The following GRIK4 variants were observed in gnomAD, a reference collection of about 807,000 sequenced individuals.
The protein encoded by GRIK4 is glutamate receptor ionotropic, kainate 4.
In GRIK4, 40 loss-of-function variants were observed where a neutral mutation model predicts 104.9. The ratio of observed to expected loss-of-function variants is 0.38; its 90% CI spans 0.30 to 0.50. GRIK4 has a LOEUF of 0.50. GRIK4 is among the 20% of genes least tolerant of loss of function. The probability of loss-of-function intolerance (pLI) is 0.93; values close to 1 mark genes in which losing one functional copy is unlikely to be tolerated. For synonymous variants in GRIK4, 485 were observed against 524.9 expected, an observed-to-expected ratio of 0.92 and a Z score of 1.04; for missense variants, 1,047 against 1,308.1, an observed-to-expected ratio of 0.80 and a Z score of 3.08.
intron 3 of GRIK4, among the ~76,000 whole-genome samples, chr11:120,696,733 G>A (rs1290998833): frequency 2.6e-5 from 4 of 152,140 alleles, no homozygotes; most frequent in East Asian, 1.9e-4. Context: ...GGGGTGGACC[G>A]GAGGGAGAGG....
chr11:120,875,992 C>A (rs574736961), intron 11 of GRIK4, among the ~76,000 whole-genome samples: 8 of 152,038 alleles, frequency 5.3e-5, no homozygotes, highest in Admixed American at 3.3e-4. Flanking sequence ...GGAAGCCAAG[C>A]ACTAAATACA....
chr11:120,518,282 G>A (rs558686554), intron 1 of GRIK4, among the ~76,000 whole-genome samples: 4 of 152,266 alleles, frequency 2.6e-5, no homozygotes, highest in South Asian at 2.1e-4. Context: ...CATGACTCTC[G>A]GCAGCTGTGC....
chr11:120,868,183 G>A (rs1026119133), intron 9 of GRIK4: 3 of 152,180 alleles, frequency 2.0e-5, no homozygotes, highest in Non-Finnish European at 4.4e-5. Flanking sequence ...AAGGAACTCA[G>A]CCACAGCTCC....
At position 120,987,701 on chromosome 11, in the gene GRIK4, G is replaced by GTGACTGCTA. The variant is rs1565479695; in HGVS notation, c.*1441_*1442insTGACTGCTA. The GTGACTGCTA allele has an allele frequency of 1.3e-5, 2 of 151,984 alleles. No homozygotes were observed. The highest frequency in any genetic ancestry group is 2.9e-5 in the Non-Finnish European group (2 of 68,002). 9.4% of individuals were successfully genotyped at this position (151,984 alleles called of 1,614,324 possible). ...GTTACTGATGCTGTCCAGGTTACCA[G>GTGACTGCTA]GTGACTGCTAGTGACTGCTCTCCAT... On this transcript the variant is annotated 3_prime_UTR_variant, in exon 21 of 21. Coordinates refer to ENST00000527524, the MANE Select transcript of GRIK4 (RefSeq NM_014619.5).
rs1943675937 is a variant in GRIK4 at position 120,939,761 on chromosome 11, C to T, written c.1477-586C>T. Among the ~76,000 whole-genome samples, 4 of 152,168 alleles carry T rather than the reference C, an allele frequency of 2.6e-5. No individual in the cohort carries two copies. The highest frequency in any genetic ancestry group is 7.2e-5 in the African/African-American group (3 of 41,438). On this transcript the variant is annotated intron_variant, in intron 13 of 20. Coordinates refer to ENST00000527524, the MANE Select transcript of GRIK4 (RefSeq NM_014619.5). This position sits in a 1 kb window ranked among gnomAD's most constrained non-coding sequence, Gnocchi z 5.6. ...CTTTGGGAGGCCAGGGCGGGCAGAT[C>T]ACGGGGTCAGGAGTTTGAGACCAGC...
chr11:120,528,883 A>G (rs1002074155), intron 1 of GRIK4, among the ~76,000 whole-genome samples: 5 of 152,138 alleles, frequency 3.3e-5, no homozygotes. Context: ...GGGAGTTGCA[A>G]TTCAAGATGA....
At chr11:120,739,874 C>T (rs1215770348) in intron 3 of GRIK4, among the ~76,000 whole-genome samples, 1 of 152,160 alleles carries the variant, frequency 6.6e-6, no homozygotes. Flanking sequence ...CCAGAGGTGA[C>T]TTTTGTGGCT....
At chr11:120,561,393 C>T (rs930111296) in intron 1 of GRIK4, among the ~76,000 whole-genome samples, 7 of 152,222 alleles carry the variant, frequency 4.6e-5, no homozygotes, top group African/African-American at 1.4e-4. Context: ...TTCATGCTTT[C>T]GCCTCTCTTC....
chr11:120,613,342 C>G (rs1366491172), intron 1 of GRIK4, among the ~76,000 whole-genome samples: 2 of 152,214 alleles, frequency 1.3e-5, no homozygotes, highest in Non-Finnish European at 1.5e-5. Context: ...CTTGTCAATT[C>G]TTGTCCTGTG....
In GRIK4 at chr11:120,925,943, C is replaced by CAGG. The variant is rs1251055184; in HGVS notation, c.1477-14402_1477-14401insGAG. On this transcript the variant is annotated intron_variant, in intron 13 of 20. Transcript: ENST00000527524. ...GAGCCAAGATCGCACCACTGTGCTC[C>CAGG]AGCCTGGGCATCAGAGCGAGACTCC... 2.0e-5 allele frequency among the ~76,000 whole-genome samples: 3 copies of CAGG among 147,494 alleles called. No homozygotes were observed. The Admixed American group carries it at 2.0e-4, about 10-fold the overall frequency.
rs541976185 is a variant in GRIK4, at chr11:120,619,013, C to T, written c.-158-34672C>T. Among the ~76,000 whole-genome samples, 3 of 152,260 alleles carry T rather than the reference C, an allele frequency of 2.0e-5. No homozygotes were observed. The South Asian group carries it at 6.2e-4, about 32-fold the overall frequency. On this transcript the variant is annotated intron_variant, in intron 1 of 20. Transcript: ENST00000527524. ...TCCTCCACACCCCAGAATGGTAGATCCACCAGCAGCTTGTATCTTGTGCCT... is the reference window on the plus strand; with the variant it reads ...TCCTCCACACCCCAGAATGGTAGATTCACCAGCAGCTTGTATCTTGTGCCT...
At chr11:120,649,895 GTC>G (rs1211895753) in intron 1 of GRIK4, among the ~76,000 whole-genome samples, 2 of 152,222 alleles carry the variant, frequency 1.3e-5, no homozygotes, top group African/African-American at 4.8e-5. Flanking sequence ...TCTGCCAGGT[GTC>G]TCTGCTCTAA....
At chr11:120,725,726 G>A (rs1276231034) in intron 3 of GRIK4, among the ~76,000 whole-genome samples, 2 of 151,848 alleles carry the variant, frequency 1.3e-5, no homozygotes, top group African/African-American at 2.4e-5. Flanking sequence ...AGGACCAGAA[G>A]GGTCATTTTC....
chr11:120,814,172 A>G (rs1167846508), intron 4 of GRIK4, among the ~76,000 whole-genome samples: 1 of 152,230 alleles, frequency 6.6e-6, no homozygotes, highest in Admixed American at 6.5e-5. Flanking sequence ...AATGTGGCTC[A>G]GTTCCTGTCT....
chr11:120,980,795 C>T (rs73585207), intron 19 of GRIK4, among the ~76,000 whole-genome samples: 180 of 152,230 alleles, frequency 1.2e-3, no homozygotes, highest in African/African-American at 4.2e-3. Flanking sequence ...TCCTCAGAGT[C>T]GTTCCAAGCA....
intron 1 of GRIK4, among the ~76,000 whole-genome samples, chr11:120,528,147 T>C (rs1005552615): frequency 6.6e-6 from 1 of 152,142 alleles, no homozygotes; most frequent in African/African-American, 2.4e-5. Flanking sequence ...TTTTTTATTT[T>C]TGTATTTTTT....
intron 3 of GRIK4, among the ~76,000 whole-genome samples, chr11:120,696,108 T>C (rs1336732501): frequency 6.6e-6 from 1 of 152,224 alleles, no homozygotes; most frequent in Non-Finnish European, 1.5e-5. Context: ...GGAGTGCCTC[T>C]GTCACTTGTC....
At chr11:120,849,920 C>A (rs1035829605) in intron 8 of GRIK4, among the ~76,000 whole-genome samples, 2 of 152,198 alleles carry the variant, frequency 1.3e-5, no homozygotes, top group Admixed American at 1.3e-4. Context: ...TAAGTGTCAC[C>A]AACTACATTT....
rs1944764838 is a variant in GRIK4 at position 120,986,898 on chromosome 11, T to C, written c.*638T>C. 6.6e-6 allele frequency: 1 copy of C among 152,168 alleles called. No homozygotes were observed. Among genetic ancestry groups the C allele is most frequent in the Non-Finnish European group, 1.5e-5 (1 of 68,060 alleles). 9.4% of individuals were successfully genotyped at this position (152,168 alleles called of 1,614,324 possible). A position where few individuals can be genotyped will look rare whatever the true frequency, so the allele number is the denominator to read the frequency against. On this transcript the variant is annotated 3_prime_UTR_variant, in exon 21 of 21. Transcript: ENST00000527524. Reference sequence around the variant, plus strand: ...AATATTGCGTTACCAGTGCATCCGATTTCAGGTGCTTAACTCTCTGTATGG... The same window carrying C: ...AATATTGCGTTACCAGTGCATCCGACTTCAGGTGCTTAACTCTCTGTATGG...
Sources: gnomAD v4.1 joint callset for allele counts (sites outside exome capture counted in the v4.1 genomes callset) on GRCh38, gnomAD v4.1.1 for gene constraint, Gnocchi (gnomAD v3.1) non-coding constraint, MANE v1.5 for transcripts, NCBI Gene and HGNC (gene_info 2026-07-23, HGNC 2026-07-21) for gene names.